Variants in ADGB observed in about 807,000 individuals in gnomAD.
ADGB encodes the protein androglobin, also known as calpain-7-like protein.
ADGB carries 172 observed loss-of-function variants against 210.5 expected under a neutral mutation model. The observed-to-expected ratio is 0.82, with a 90% CI of 0.72 to 0.93. The LOEUF (loss-of-function observed/expected upper bound fraction) is 0.93. Ranked by LOEUF, ADGB falls within the 40% of genes least tolerant of loss-of-function variation. ADGB has a pLI of 0.00. For synonymous variants in ADGB, 658 were observed against 662.7 expected (o/e 0.99, Z 0.11); for missense variants, 2,025 against 1,964.8 (o/e 1.03, Z -0.58).
intron 2 of ADGB, among the ~76,000 whole-genome samples, chr6:146,642,526 C>T (rs1375441380): frequency 6.6e-6 from 1 of 151,898 alleles, no homozygotes; most frequent in Non-Finnish European, 1.5e-5. Context: ...AAATGTGGTA[C>T]ATATACACTA....
rs1378538611 is a variant in ADGB at position 146,666,844 on chromosome 6, G to C, written c.781G>C (p.Gly261Arg). 1 of 1,548,480 alleles carries C rather than the reference G, an allele frequency of 6.5e-7. No individual in the cohort carries two copies. The highest frequency in any genetic ancestry group is 2.4e-5 in the East Asian group (1 of 40,874). ...DIHVADRREL[G>R]EFTVIHALTG... is the part of the protein sequence containing the mutation. ...CCATGTAGCAGACAGGAGAGAGCTG[G>C]GGGAGTTCACGGTTATTCATGCGCT... Residue 261 changes from glycine (G) to arginine (R), a missense_variant, in exon 7 of 36, where the codon GGG (glycine) becomes CGG (arginine). By Grantham distance (125) the Gly-to-Arg change is moderately radical. Coordinates refer to ENST00000397944, the MANE Select transcript of ADGB (RefSeq NM_024694.4).
At chr6:146,679,446 C>T in intron 9 of ADGB, among the ~76,000 whole-genome samples, 1 of 152,182 alleles carries the variant, frequency 6.6e-6, no homozygotes, top group East Asian at 1.9e-4. Context: ...TGAAGAGGAA[C>T]ACAGTAACTG....
At position 146,631,362 on chromosome 6, in the gene ADGB, T is replaced by G. The variant is rs539840821; in HGVS notation, c.75-4013T>G. Among the ~76,000 whole-genome samples the G allele has an allele frequency of 7.2e-5, 11 of 152,278 alleles. No individual in the cohort carries two copies. The South Asian group carries it at 2.3e-3, about 32-fold the overall frequency. On this transcript the variant is annotated intron_variant, in intron 1 of 35. Transcript: ENST00000397944. ...ATAACCATTTTGTAAGGTGTCCTTA[T>G]AGGACTCAGACAGACATTGAGCAGG... is the stretch of plus-strand genomic sequence containing the variant.
At chr6:146,646,761 C>T (rs1775621607) in intron 3 of ADGB, among the ~76,000 whole-genome samples, 1 of 152,002 alleles carries the variant, frequency 6.6e-6, no homozygotes, top group African/African-American at 2.4e-5. Context: ...TGACATTTGT[C>T]AAAGATGTTA....
intron 13 of ADGB, among the ~76,000 whole-genome samples, chr6:146,715,029 A>G (rs1776713184): frequency 1.3e-5 from 2 of 152,286 alleles, no homozygotes; most frequent in African/African-American, 4.8e-5. Context: ...TTCAGTCATA[A>G]TCTTATTAAG....
chr6:146,599,252 A>T, intron 1 of ADGB, 138 bp downstream of exon 1: 1 of 771,796 alleles, frequency 1.3e-6, no homozygotes, highest in Non-Finnish European at 2.2e-6. Flanking sequence ...TTCTCTGGTA[A>T]ACCAGATCCT....
chr6:146,682,805 A>G (rs1776175744), intron 9 of ADGB, among the ~76,000 whole-genome samples: 1 of 152,178 alleles, frequency 6.6e-6, no homozygotes, highest in Non-Finnish European at 1.5e-5. Flanking sequence ...TAGACCCTTT[A>G]CAAATAATTC....
intron 28 of ADGB, among the ~76,000 whole-genome samples, chr6:146,765,909 A>G (rs1777566484): frequency 6.6e-6 from 1 of 152,010 alleles, no homozygotes; most frequent in Admixed American, 6.6e-5. Context: ...AATGTGGAAT[A>G]AAAAATAAAG....
At chr6:146,672,595 A>G in intron 8 of ADGB, 128 bp downstream of exon 8, 1 of 1,127,716 alleles carries the variant, frequency 8.9e-7, no homozygotes, top group Non-Finnish European at 1.2e-6. Context: ...CTTGGATCTC[A>G]CACAGTAGGG....
Position 146,672,295 on chromosome 6 carries a change from C to G in ADGB, c.915C>G (p.Ser305Arg). Residue 305 changes from serine to arginine, a missense_variant, in exon 8 of 36, where the codon AGC (serine) becomes AGG (arginine). Transcript: ENST00000397944. ...AGTTTAAGCTGTCAGATGAGGCCAG[C>G]TCTGAAAGCAAAATAGCAGTGTTAG... is the stretch of plus-strand genomic sequence containing the variant. ...LPEFKLSDEA[S>R]SESKIAVLDS... is the part of the protein sequence containing the mutation. 6.4e-7 allele frequency: 1 copy of G among 1,551,006 alleles called. No homozygotes were observed. The highest frequency in any genetic ancestry group is 8.7e-7 in the Non-Finnish European group (1 of 1,146,704).
intron 29 of ADGB, among the ~76,000 whole-genome samples, chr6:146,773,563 G>T (rs1369915641): frequency 6.6e-6 from 1 of 152,130 alleles, no homozygotes; most frequent in Non-Finnish European, 1.5e-5. Context: ...TAGTTTTCAT[G>T]CATTCTTCTT....
chr6:146,624,496 T>C (rs1780944599), intron 1 of ADGB, among the ~76,000 whole-genome samples: 1 of 151,892 alleles, frequency 6.6e-6, no homozygotes, highest in South Asian at 2.1e-4. Context: ...AAGGTTGTTA[T>C]AAATTGTGGT....
chr6:146,673,964 G>A lies in ADGB; in HGVS notation c.1087+1497G>A, dbSNP rs1457172711. On this transcript the variant is annotated intron_variant, in intron 8 of 35. Transcript: ENST00000397944. ...CCTGAAGAAGTGGAACATCTAAGAG[G>A]TTGGTACAAAATGACGAGCTGCTGA... Among the ~76,000 whole-genome samples, 4 of 152,304 alleles carry A rather than the reference G, an allele frequency of 2.6e-5. No individual in the cohort carries two copies. The East Asian group carries it at 7.7e-4, about 29-fold the overall frequency.
Position 146,803,170 on chromosome 6 carries a change from G to A in ADGB, c.4818+1159G>A, listed in dbSNP as rs1778157514. 7 of 1,489,732 alleles carry A rather than the reference G, an allele frequency of 4.7e-6. No homozygotes were observed. In the Admixed American group the frequency reaches 1.2e-4, roughly 25 times the overall value. 92.3% of individuals were successfully genotyped at this position (1,489,732 alleles called of 1,614,324 possible). ...TCTATCCTCAACAAATAAGCTACAAGTTCACTTATACTTCTCCTTCTCCAG... is the reference window on the plus strand; with the variant it reads ...TCTATCCTCAACAAATAAGCTACAAATTCACTTATACTTCTCCTTCTCCAG... On this transcript the variant is annotated intron_variant, in intron 35 of 35. Transcript: ENST00000397944.
At chr6:146,647,071 A>G (rs1775626211) in intron 3 of ADGB, among the ~76,000 whole-genome samples, 1 of 148,644 alleles carries the variant, frequency 6.7e-6, no homozygotes, top group African/African-American at 2.5e-5. Flanking sequence ...CCTGGGTGAC[A>G]GAGTGAGAGC....
At chr6:146,616,268 GTTTT>G (rs35741728) in intron 1 of ADGB, among the ~76,000 whole-genome samples, 1 of 142,274 alleles carries the variant, frequency 7.0e-6, no homozygotes. Context: ...TATTATTTGG[GTTTT>G]TTTTTTTTTG....
At chr6:146,730,895 C>T (rs141362982) in intron 20 of ADGB, among the ~76,000 whole-genome samples, 1,677 of 152,118 alleles carry the variant, frequency 0.011, 26 homozygotes, top group Non-Finnish European at 0.017. Flanking sequence ...GCTGAGATCA[C>T]GCCATTGCAC....
intron 15 of ADGB, 90 bp from the exon 16 acceptor site, chr6:146,717,446 C>T: frequency 2.8e-6 from 2 of 711,432 alleles, no homozygotes; most frequent in Non-Finnish European, 4.5e-6. Context: ...TAACTTTCTT[C>T]CTACAATAAT....
chr6:146,762,789 T>C (rs1438164426), intron 27 of ADGB, among the ~76,000 whole-genome samples: 3 of 152,138 alleles, frequency 2.0e-5, no homozygotes, highest in Admixed American at 2.0e-4. Flanking sequence ...CTCAACTGAA[T>C]GCTCTGCATA....
Sources: gnomAD v4.1 joint callset for allele counts (sites outside exome capture counted in the v4.1 genomes callset) on GRCh38, gnomAD v4.1.1 for gene constraint, MANE v1.5 for transcripts, NCBI Gene and HGNC (gene_info 2026-07-23, HGNC 2026-07-21) for gene names.